The following DOCK5 variants were observed in gnomAD, a reference collection of about 807,000 sequenced individuals.
DOCK5 encodes dedicator of cytokinesis 5.
DOCK5 carries 142 observed loss-of-function variants against 251.8 expected under a neutral mutation model. The observed-to-expected ratio is 0.56, with a 90% CI of 0.49 to 0.65. The LOEUF (loss-of-function observed/expected upper bound fraction) is 0.65, where lower values mean the gene tolerates loss of function less well. Among genes scored for constraint, DOCK5 ranks in the 30% least tolerant of loss-of-function variants. DOCK5 has a pLI of 0.00. For synonymous variants in DOCK5, 842 were observed against 835.5 expected (o/e 1.01, Z -0.13); for missense variants, 2,111 against 2,312.3 (o/e 0.91, Z 1.79).
chr8:25,403,798 A>C, intron 48 of DOCK5, 74 bp downstream of exon 48: 2 of 1,502,024 alleles, frequency 1.3e-6, no homozygotes, highest in Non-Finnish European at 1.8e-6. Flanking sequence ...GCCACGCATC[A>C]CTCCTTTGAG....
chr8:25,217,092 A>C (rs952580316), intron 1 of DOCK5, among the ~76,000 whole-genome samples: 5 of 148,836 alleles, frequency 3.4e-5, no homozygotes, highest in Non-Finnish European at 7.4e-5. Context: ...TAATATGTGT[A>C]TATATACACA....
At chr8:25,379,107 G>A (rs2709622) in intron 38 of DOCK5, among the ~76,000 whole-genome samples, 148,792 of 152,296 alleles carry the variant, frequency 0.98, 72,770 homozygotes, top group Middle Eastern at 1. Flanking sequence ...AACTCCTGAA[G>A]AGGGTCTATG....
At chr8:25,242,539 T>C (rs1219900832) in intron 1 of DOCK5, among the ~76,000 whole-genome samples, 1 of 152,214 alleles carries the variant, frequency 6.6e-6, no homozygotes, top group Non-Finnish European at 1.5e-5. Context: ...TATCTCACTG[T>C]AGTTTTAATT....
At chr8:25,389,697 G>T (rs1380944959) in intron 41 of DOCK5, among the ~76,000 whole-genome samples, 1 of 152,168 alleles carries the variant, frequency 6.6e-6, no homozygotes, top group Non-Finnish European at 1.5e-5. Flanking sequence ...CTTATCCTCA[G>T]ATTCTCCATC....
intron 26 of DOCK5, among the ~76,000 whole-genome samples, chr8:25,348,354 C>T (rs1800406546): frequency 6.6e-6 from 1 of 152,228 alleles, no homozygotes; most frequent in South Asian, 2.1e-4. Context: ...TTTTCATGCT[C>T]CCTTTGAGTT....
At chr8:25,334,039 T>A in intron 20 of DOCK5, 57 bp from the exon 21 acceptor site, 2 of 1,364,696 alleles carry the variant, frequency 1.5e-6, no homozygotes, top group Non-Finnish European at 2.1e-6. Context: ...ATGCGGCTTG[T>A]TGACAGAATA....
intron 1 of DOCK5, among the ~76,000 whole-genome samples, chr8:25,187,115 A>G (rs1801446915): frequency 6.6e-6 from 1 of 151,284 alleles, no homozygotes; most frequent in South Asian, 2.1e-4. Flanking sequence ...GTGGGAGGAT[A>G]GCTTGAGCCT....
At chr8:25,396,287 C>T (rs752699050) in intron 45 of DOCK5, among the ~76,000 whole-genome samples, 1 of 152,120 alleles carries the variant, frequency 6.6e-6, no homozygotes, top group African/African-American at 2.4e-5. Context: ...GGCTGAGGCA[C>T]GAGAATCACT....
At chr8:25,298,331 G>A (rs566213384) in intron 7 of DOCK5, among the ~76,000 whole-genome samples, 1 of 152,230 alleles carries the variant, frequency 6.6e-6, no homozygotes, top group Admixed American at 6.5e-5. Flanking sequence ...CCAGGATAAT[G>A]GATCATGATG....
intron 2 of DOCK5, among the ~76,000 whole-genome samples, chr8:25,255,424 A>G (rs533895611): frequency 1.1e-4 from 16 of 152,224 alleles, no homozygotes; most frequent in Non-Finnish European, 2.4e-4. Flanking sequence ...GCATGTTACT[A>G]AGTAAAAAGA....
chr8:25,389,704 C>T (rs971533112), intron 41 of DOCK5, among the ~76,000 whole-genome samples: 5 of 152,136 alleles, frequency 3.3e-5, no homozygotes, highest in African/African-American at 1.2e-4. Context: ...TCAGATTCTC[C>T]ATCTGTGAAA....
chr8:25,184,882 C>A lies in DOCK5; in HGVS notation c.-27C>A, dbSNP rs1482764304. On this transcript the variant is annotated 5_prime_UTR_variant, in exon 1 of 52. Transcript: ENST00000276440. ...CGAGGAGCTGTAGCAGCCTTAGTCG[C>A]CGCCGCCGCGGGGCGAGGTCGCCGC... 1 of 1,367,460 alleles carries A rather than the reference C, an allele frequency of 7.3e-7. No homozygotes were observed. The allele number at this position is 1,367,460 out of a possible 1,614,324, so 84.7% of individuals were successfully genotyped here.
chr8:25,238,541 G>T (rs1416144402), intron 1 of DOCK5, among the ~76,000 whole-genome samples: 1 of 152,194 alleles, frequency 6.6e-6, no homozygotes, highest in Non-Finnish European at 1.5e-5. Flanking sequence ...TCTAAGCGGT[G>T]ACTTTTCATT....
rs1337548530 is a variant in DOCK5, at chr8:25,236,764, T to G, written c.44-6910T>G. On this transcript the variant is annotated intron_variant, in intron 1 of 51. Coordinates refer to ENST00000276440, the MANE Select transcript of DOCK5 (RefSeq NM_024940.8). ...CCCAGCTAGTTTTTTTGTGTGGTTT[T>G]TTTTTTGTATTTTTAGTAGAGATGG... 2.6e-5 allele frequency among the ~76,000 whole-genome samples: 4 copies of G among 151,706 alleles called. No individual in the cohort carries two copies. In the East Asian group the frequency reaches 7.8e-4, roughly 30 times the overall value.
At chr8:25,198,633 C>T (rs1801794912) in intron 1 of DOCK5, among the ~76,000 whole-genome samples, 1 of 151,960 alleles carries the variant, frequency 6.6e-6, no homozygotes, top group Non-Finnish European at 1.5e-5. Flanking sequence ...CAGTTTTGCC[C>T]TCTTGTATGT....
chr8:25,187,953 T>C (rs1801474495), intron 1 of DOCK5, among the ~76,000 whole-genome samples: 1 of 152,200 alleles, frequency 6.6e-6, no homozygotes, highest in Non-Finnish European at 1.5e-5. Context: ...TCCTCGCAGT[T>C]CCTGGACTGT....
At chr8:25,274,608 A>G (rs1803995923) in intron 3 of DOCK5, among the ~76,000 whole-genome samples, 1 of 152,162 alleles carries the variant, frequency 6.6e-6, no homozygotes, top group African/African-American at 2.4e-5. Context: ...CTGATGTAGA[A>G]CTGCCTCTTA....
At chr8:25,303,627 A>G (rs971933710) in intron 10 of DOCK5, among the ~76,000 whole-genome samples, 2 of 152,170 alleles carry the variant, frequency 1.3e-5, no homozygotes, top group African/African-American at 4.8e-5. Context: ...CTTTGGTTCC[A>G]TACTTACTAA....
rs565498135 is a variant in DOCK5 at position 25,347,154 on chromosome 8, G to A, written c.2754+1543G>A. ...CTACACCTTTTCCCATAGCTAAACC[G>A]TTAGTTCACTTGTCAGGGTCCACCA... On this transcript the variant is annotated intron_variant, in intron 26 of 51. Coordinates refer to ENST00000276440, the MANE Select transcript of DOCK5 (RefSeq NM_024940.8). Among the ~76,000 whole-genome samples the A allele has an allele frequency of 9.2e-5, 14 of 152,266 alleles. No individual in the cohort carries two copies. The East Asian group carries it at 1.5e-3, about 17-fold the overall frequency.
Sources: gnomAD v4.1 joint callset for allele counts (sites outside exome capture counted in the v4.1 genomes callset) on GRCh38, gnomAD v4.1.1 for gene constraint, MANE v1.5 for transcripts, NCBI Gene and HGNC (gene_info 2026-07-23, HGNC 2026-07-21) for gene names.